Variants in BTC observed in about 807,000 individuals in gnomAD.
BTC encodes the protein probetacellulin.
In BTC, 13 loss-of-function variants were observed where a neutral mutation model predicts 18.1. The ratio of observed to expected loss-of-function variants is 0.72; its 90% CI spans 0.47 to 1.14. The LOEUF (loss-of-function observed/expected upper bound fraction) is 1.14. BTC is among the 50% of genes most tolerant of loss of function. BTC has a pLI of 0.00. For missense variants in BTC, 247 were observed against 224.2 expected, an observed-to-expected ratio of 1.10 and a Z score of -0.65; for synonymous variants, 83 against 79.4, an observed-to-expected ratio of 1.05 and a Z score of -0.24.
chr4:74,762,887 A>C (rs1361013875), intron 2 of BTC, among the ~76,000 whole-genome samples: 1 of 152,238 alleles, frequency 6.6e-6, no homozygotes, highest in Admixed American at 6.5e-5. Context: ...ATCCTTAATT[A>C]GAATTTTCAA....
Position 74,750,654 on chromosome 4 carries a change from C to G in BTC, c.347G>C (p.Arg116Thr). ...CAAACAAATCACCAGAATCTGTCCTCTGTCTCCTCTTAGGTAAAACAAGTC... is the reference window on the plus strand; with the variant it reads ...CAAACAAATCACCAGAATCTGTCCTGTGTCTCCTCTTAGGTAAAACAAGTC... ...RVDLFYLRGDRGQILVICLIA... is the reference protein window; with the variant it reads ...RVDLFYLRGDTGQILVICLIA... The change falls in exon 4 of 6, where the codon AGA becomes ACA. Residue 116 changes from arginine to threonine, a missense_variant. Transcript: ENST00000395743. The G allele has an allele frequency of 6.2e-7, 1 of 1,614,020 alleles. No homozygotes were observed. The highest frequency in any genetic ancestry group is 1.1e-5 in the South Asian group (1 of 91,074).
At chr4:74,793,002 G>C (rs150645896) in intron 1 of BTC, among the ~76,000 whole-genome samples, 381 of 152,300 alleles carry the variant, frequency 2.5e-3, no homozygotes, top group Non-Finnish European at 4.2e-3. Context: ...TGCTGACTAC[G>C]ACAGATTCTC....
At chr4:74,779,832 TTTG>T (rs1725271696) in intron 1 of BTC, among the ~76,000 whole-genome samples, 1 of 152,142 alleles carries the variant, frequency 6.6e-6, no homozygotes, top group Non-Finnish European at 1.5e-5. Context: ...TAGCATCGAA[TTTG>T]TTATCATCTT....
intron 1 of BTC, among the ~76,000 whole-genome samples, chr4:74,785,463 G>C (rs896051919): frequency 6.6e-6 from 1 of 152,052 alleles, no homozygotes; most frequent in African/African-American, 2.4e-5. Context: ...TCTTCTGCTA[G>C]CTTTGGGGTT....
At chr4:74,755,676 T>C (rs1724577365) in intron 3 of BTC, among the ~76,000 whole-genome samples, 183 bp downstream of exon 3, 1 of 152,188 alleles carries the variant, frequency 6.6e-6, no homozygotes, top group South Asian at 2.1e-4. Context: ...AGGAGGAAAG[T>C]GTGCGTCAGT....
intron 2 of BTC, among the ~76,000 whole-genome samples, chr4:74,768,686 A>C (rs147771147): frequency 2.2e-4 from 33 of 152,278 alleles, no homozygotes; most frequent in Non-Finnish European, 2.1e-4. Flanking sequence ...TATAGTTAAC[A>C]ATATTGTATT....
At chr4:74,752,340 C>G (rs2109880418) in intron 3 of BTC, among the ~76,000 whole-genome samples, 1 of 150,838 alleles carries the variant, frequency 6.6e-6, no homozygotes, top group South Asian at 2.1e-4. Flanking sequence ...TATCAAAAAT[C>G]TGTCATACAT....
At chr4:74,765,476 C>T (rs769047304) in intron 2 of BTC, among the ~76,000 whole-genome samples, 1 of 151,950 alleles carries the variant, frequency 6.6e-6, no homozygotes, top group African/African-American at 2.4e-5. Context: ...AGTGAAAAAG[C>T]TTAAAGGACT....
Position 74,794,473 on chromosome 4 carries a change from GCTA to G in BTC, c.-151_-149del. 1.1e-6 allele frequency: 1 copy of G among 921,732 alleles called. No homozygotes were observed. The highest frequency in any genetic ancestry group is 1.6e-6 in the Non-Finnish European group (1 of 638,622). The allele number at this position is 921,732 out of a possible 1,614,324, so 57.1% of individuals were successfully genotyped here. Reference sequence around the variant, plus strand: ...AACTACTTCCCAGGCTGGCACCCTGGCTACAAGGCAGGGAAACACCCAGGGCGG... The same window carrying G: ...AACTACTTCCCAGGCTGGCACCCTGGCAAGGCAGGGAAACACCCAGGGCGG... On this transcript the variant is annotated 5_prime_UTR_variant, in exon 1 of 6. Coordinates refer to ENST00000395743, the MANE Select transcript of BTC (RefSeq NM_001729.4).
intron 1 of BTC, among the ~76,000 whole-genome samples, chr4:74,771,622 T>C (rs1725041478): frequency 6.6e-6 from 1 of 152,208 alleles, no homozygotes; most frequent in African/African-American, 2.4e-5. Context: ...GAGGCTCTTT[T>C]TTACCTATCT....
chr4:74,780,756 G>A (rs1725296084), intron 1 of BTC, among the ~76,000 whole-genome samples: 1 of 152,016 alleles, frequency 6.6e-6, no homozygotes, highest in African/African-American at 2.4e-5. Flanking sequence ...CCAAGATGAG[G>A]ACCATAAGAG....
In BTC at chr4:74,794,409, G is replaced by A. The variant is rs1725719280; in HGVS notation, c.-84C>T. 3.6e-6 allele frequency: 5 copies of A among 1,375,452 alleles called. No individual in the cohort carries two copies. The highest frequency in any genetic ancestry group is 2.9e-6 in the Non-Finnish European group (3 of 1,045,990). 85.2% of individuals were successfully genotyped at this position (1,375,452 alleles called of 1,614,324 possible). On this transcript the variant is annotated 5_prime_UTR_variant, in exon 1 of 6. Transcript: ENST00000395743. ...CTTCCCGGGCCTCGGGCGCCTGAGA[G>A]GGTGCCTGGAAACTAATCCCGGAGG...
chr4:74,791,797 G>T (rs957775396), intron 1 of BTC, among the ~76,000 whole-genome samples: 2 of 152,036 alleles, frequency 1.3e-5, no homozygotes, highest in African/African-American at 4.8e-5. Context: ...TTTTTGAAAA[G>T]AATGTGACAT....
chr4:74,794,371 CCTT>C lies in BTC; in HGVS notation c.-49_-47del, dbSNP rs985851555. On this transcript the variant is annotated 5_prime_UTR_variant, in exon 1 of 6. Coordinates refer to ENST00000395743, the MANE Select transcript of BTC (RefSeq NM_001729.4). ...GGGCAGCCCCTAGACAAGTCTCCCT[CCTT>C]CTTCGCCCCCTTCCCGGGCCTCGGG... The C allele has an allele frequency of 2.7e-6, 4 of 1,477,626 alleles. No homozygotes were observed. The highest frequency in any genetic ancestry group is 2.9e-5 in the African/African-American group (2 of 70,042). 91.5% of individuals were successfully genotyped at this position (1,477,626 alleles called of 1,614,324 possible).
intron 1 of BTC, among the ~76,000 whole-genome samples, chr4:74,772,453 A>G (rs1401891461): frequency 6.6e-6 from 1 of 152,218 alleles, no homozygotes; most frequent in Non-Finnish European, 1.5e-5. Context: ...ACAGAATTTA[A>G]TGAATATTCA....
chr4:74,785,645 G>C (rs976129546), intron 1 of BTC, among the ~76,000 whole-genome samples: 4 of 152,064 alleles, frequency 2.6e-5, no homozygotes, highest in African/African-American at 9.7e-5. Context: ...TTTTATTTTG[G>C]AACAATTTTA....
At chr4:74,785,280 T>A (rs1209783393) in intron 1 of BTC, among the ~76,000 whole-genome samples, 1 of 152,192 alleles carries the variant, frequency 6.6e-6, no homozygotes, top group Non-Finnish European at 1.5e-5. Flanking sequence ...ATCCCCCTTA[T>A]CATTTCTGAT....
At chr4:74,768,082 G>C (rs950953250) in intron 2 of BTC, among the ~76,000 whole-genome samples, 6 of 152,074 alleles carry the variant, frequency 3.9e-5, no homozygotes, top group African/African-American at 1.4e-4. Flanking sequence ...AACAGAGTTT[G>C]GGCTGTGCAG....
At chr4:74,748,782 A>C (rs1482369965) in intron 4 of BTC, among the ~76,000 whole-genome samples, 1 of 152,232 alleles carries the variant, frequency 6.6e-6, no homozygotes, top group Non-Finnish European at 1.5e-5. Flanking sequence ...AGGCATAAGA[A>C]AAACAAGAGT....
Sources: gnomAD v4.1 joint callset for allele counts (sites outside exome capture counted in the v4.1 genomes callset) on GRCh38, gnomAD v4.1.1 for gene constraint, MANE v1.5 for transcripts, NCBI Gene and HGNC (gene_info 2026-07-23, HGNC 2026-07-21) for gene names.